ARHGAP21: variants seen among roughly 807,000 people sequenced by gnomAD.
The protein encoded by ARHGAP21 is rho GTPase-activating protein 21.
Under a neutral mutation model 164.6 loss-of-function variants are expected in ARHGAP21, and 38 were observed. That is an observed-to-expected ratio of 0.23 (90% CI 0.18 to 0.30). The LOEUF (loss-of-function observed/expected upper bound fraction) is 0.30, where lower values mean the gene tolerates loss of function less well. Ranked by LOEUF, ARHGAP21 falls within the 10% of genes least tolerant of loss-of-function variation. ARHGAP21 has a pLI of 1.00. For synonymous variants in ARHGAP21, 766 were observed against 857.9 expected (o/e 0.89, Z 1.87); for missense variants, 1,822 against 2,370.7 (o/e 0.77, Z 4.81).
At chr10:24,590,200 C>A in intron 24 of ARHGAP21, 3 of 1,442,208 alleles carry the variant, frequency 2.1e-6, no homozygotes, top group Non-Finnish European at 2.7e-6. Context: ...AACTGGTAGA[C>A]CATACCATGC....
intron 12 of ARHGAP21, among the ~76,000 whole-genome samples, chr10:24,603,214 G>A (rs1439867110): frequency 6.6e-6 from 1 of 152,176 alleles, no homozygotes; most frequent in African/African-American, 2.4e-5. Context: ...CCTGCAGAGG[G>A]GATGGAGAAG....
At chr10:24,714,290 A>G (rs1416196523) in intron 2 of ARHGAP21, 1 of 152,240 alleles carries the variant, frequency 6.6e-6, no homozygotes, top group Non-Finnish European at 1.5e-5. Flanking sequence ...AAGAAACTGA[A>G]TATTACCTTT....
intron 4 of ARHGAP21, among the ~76,000 whole-genome samples, chr10:24,663,489 G>C (rs1289269217): frequency 6.6e-6 from 1 of 152,116 alleles, no homozygotes; most frequent in South Asian, 2.1e-4. Context: ...AGGATTTCTT[G>C]TCCTTGCACT....
Position 24,620,212 on chromosome 10 carries a change from A to G in ARHGAP21, c.1683T>C (p.Ala561=). 6.2e-7 allele frequency: 1 copy of G among 1,613,962 alleles called. No individual in the cohort carries two copies. Among genetic ancestry groups the G allele is most frequent in the Non-Finnish European group, 8.5e-7 (1 of 1,179,874 alleles). Residue 561 remains alanine (A), a synonymous_variant, in exon 9 of 26, where the codon GCT becomes GCC. Transcript: ENST00000396432. ...KSFRGSNFTV[A]PSVVNSDNRR... is the part of the protein sequence containing the mutation. ...TGTTATCAGAATTAACAACGCTTGG[A>G]GCCACAGTAAAATTGGAACCTCGAA... is the stretch of plus-strand genomic sequence containing the variant.
intron 4 of ARHGAP21, among the ~76,000 whole-genome samples, chr10:24,651,258 G>A (rs1838132550): frequency 6.6e-6 from 1 of 152,190 alleles, no homozygotes; most frequent in African/African-American, 2.4e-5. Flanking sequence ...TAAAAGACAA[G>A]TGTTTGCCTG....
intron 2 of ARHGAP21, chr10:24,714,358 G>A (rs1845147549): frequency 6.6e-6 from 1 of 152,192 alleles, no homozygotes; most frequent in Non-Finnish European, 1.5e-5. Flanking sequence ...AAGGCACAAT[G>A]AACTTCATAA....
At position 24,601,990 on chromosome 10, in the gene ARHGAP21, G is replaced by A. The variant is rs754507824; in HGVS notation, c.2835C>T (p.Thr945=). 1.3e-5 allele frequency: 21 copies of A among 1,610,788 alleles called. No homozygotes were observed. Among genetic ancestry groups the A allele is most frequent in the African/African-American group, 5.4e-5 (4 of 74,708 alleles). Residue 945 remains threonine (T), a synonymous_variant, in exon 13 of 26, where the codon ACC becomes ACT. Coordinates refer to ENST00000396432, the MANE Select transcript of ARHGAP21 (RefSeq NM_020824.4). ...GAAAACACACTACCTTGCCCTTATCGGTGACAAGGGGTCGGAAATGAAGCC... is the reference window on the plus strand; with the variant it reads ...GAAAACACACTACCTTGCCCTTATCAGTGACAAGGGGTCGGAAATGAAGCC... ...EGWLHFRPLV[T]DKGKRVGGSI...
At chr10:24,655,177 A>G (rs1219520789) in intron 4 of ARHGAP21, among the ~76,000 whole-genome samples, 5 of 152,372 alleles carry the variant, frequency 3.3e-5, no homozygotes, top group African/African-American at 1.2e-4. Context: ...CTAGAAGAAA[A>G]CCTAGGCAAT....
At chr10:24,660,461 A>T (rs1839566809) in intron 4 of ARHGAP21, among the ~76,000 whole-genome samples, 1 of 151,720 alleles carries the variant, frequency 6.6e-6, no homozygotes, top group African/African-American at 2.4e-5. Flanking sequence ...CAGAAAAGAG[A>T]TCCATGTAAC....
chr10:24,676,334 C>T (rs1195576134), intron 2 of ARHGAP21, among the ~76,000 whole-genome samples: 2 of 152,290 alleles, frequency 1.3e-5, no homozygotes, highest in South Asian at 2.1e-4. Context: ...AGTTTTGTTA[C>T]AAAAGTGTAC....
chr10:24,652,826 T>C (rs1397281007), intron 4 of ARHGAP21, among the ~76,000 whole-genome samples: 4 of 152,174 alleles, frequency 2.6e-5, no homozygotes, highest in Admixed American at 6.5e-5. Context: ...AGTGTGTAAA[T>C]GGGTACGGTC....
chr10:24,635,534 T>C (rs185131923), intron 4 of ARHGAP21, among the ~76,000 whole-genome samples: 1 of 150,208 alleles, frequency 6.7e-6, no homozygotes, highest in Admixed American at 6.6e-5. Context: ...GCTTTTGTTT[T>C]TTGTTTTGTT....
intron 2 of ARHGAP21, among the ~76,000 whole-genome samples, chr10:24,719,017 G>A (rs537765915): frequency 6.6e-6 from 1 of 151,940 alleles, no homozygotes; most frequent in East Asian, 1.9e-4. Context: ...TAATATCATA[G>A]AGGATTCAAC....
chr10:24,680,576 G>A (rs956050657), intron 2 of ARHGAP21, among the ~76,000 whole-genome samples: 4 of 152,204 alleles, frequency 2.6e-5, no homozygotes. Flanking sequence ...ATTTCTGAAT[G>A]TGACATAGCT....
chr10:24,639,804 A>C (rs888488544), intron 4 of ARHGAP21, among the ~76,000 whole-genome samples: 4 of 152,162 alleles, frequency 2.6e-5, no homozygotes, highest in African/African-American at 9.7e-5. Flanking sequence ...AAAAAGGATG[A>C]GTTAAATCTC....
chr10:24,619,599 C>G lies in ARHGAP21; in HGVS notation c.2296G>C (p.Gly766Arg), dbSNP rs61758699. The G allele has an allele frequency of 1.1e-5, 18 of 1,614,020 alleles. No individual in the cohort carries two copies. The African/African-American group carries it at 2.0e-4, about 18-fold the overall frequency. The change falls in exon 9 of 26, where the codon GGG becomes CGG. Residue 766 changes from glycine to arginine, a missense_variant. This residue lies in a region of ARHGAP21 where 1,090 missense variants were observed against 1,378.9 expected (regional missense o/e 0.79). Transcript: ENST00000396432. The part of the protein sequence containing the change: ...YILAVNDQET[G>R]SDTTCWLPND... ...GGCAGCCAGCAGGTAGTGTCTGACC[C>G]GGTCTCCTGGTCATTTACTGCCAAG...
intron 2 of ARHGAP21, among the ~76,000 whole-genome samples, chr10:24,682,153 C>T (rs1841827512): frequency 2.0e-5 from 3 of 151,354 alleles, no homozygotes; most frequent in African/African-American, 7.3e-5. Flanking sequence ...TACATAAAGG[C>T]TTATATCAAA....
chr10:24,721,113 C>A (rs1026290307), intron 2 of ARHGAP21, among the ~76,000 whole-genome samples: 18 of 151,998 alleles, frequency 1.2e-4, no homozygotes, highest in African/African-American at 4.1e-4. Flanking sequence ...AATCTCTGGG[C>A]CCTTGGGAAG....
At chr10:24,640,833 GATCT>G in intron 4 of ARHGAP21, among the ~76,000 whole-genome samples, 1 of 152,158 alleles carries the variant, frequency 6.6e-6, no homozygotes, top group Non-Finnish European at 1.5e-5. Context: ...TAGGAATGTG[GATCT>G]ATTAAGGAAA....
Sources: gnomAD v4.1 joint callset for allele counts (sites outside exome capture counted in the v4.1 genomes callset) on GRCh38, gnomAD v4.1.1 for gene constraint, gnomAD v4.1.1 regional missense constraint, MANE v1.5 for transcripts, NCBI Gene and HGNC (gene_info 2026-07-23, HGNC 2026-07-21) for gene names.